Variants in NICN1 observed in about 807,000 individuals in gnomAD.
NICN1 encodes the protein nicolin 1, tubulin polyglutamylase complex subunit, also known as nicolin-1.
Under a neutral mutation model 26.3 loss-of-function variants are expected in NICN1, and 18 were observed. The observed-to-expected ratio is 0.68, with a 90% CI of 0.47 to 1.01. The LOEUF (loss-of-function observed/expected upper bound fraction) is 1.01. NICN1 is among the 50% of genes least tolerant of loss of function. The pLI, the probability that NICN1 is intolerant of heterozygous loss-of-function variation, is 0.00. For missense variants in NICN1, 239 were observed against 278.3 expected, an observed-to-expected ratio of 0.86 and a Z score of 1.00; for synonymous variants, 109 against 111.0, an observed-to-expected ratio of 0.98 and a Z score of 0.11.
chr3:49,428,968 T>C (rs1460483204), intron 1 of NICN1, 140 bp downstream of exon 1: 7 of 750,918 alleles, frequency 9.3e-6, no homozygotes, highest in Admixed American at 6.5e-5. Context: ...AAGGACTAAA[T>C]AAATGAATGA....
In NICN1 at chr3:49,424,625, A is replaced by C; in HGVS notation, c.*208T>G. On this transcript the variant is annotated 3_prime_UTR_variant, in exon 6 of 6. Transcript: ENST00000273598. ...TAGAAGGAAGAATTGAGTTGCAGCCAGGCGAAGACAGAGCACCCCCATGCC... is the reference window on the plus strand; with the variant it reads ...TAGAAGGAAGAATTGAGTTGCAGCCCGGCGAAGACAGAGCACCCCCATGCC... The C allele has an allele frequency of 9.8e-6, 6 of 609,164 alleles. No individual in the cohort carries two copies. The highest frequency in any genetic ancestry group is 8.8e-6 in the Non-Finnish European group (3 of 342,074). 37.7% of individuals were successfully genotyped at this position (609,164 alleles called of 1,614,324 possible). A position where few individuals can be genotyped will look rare whatever the true frequency, so the allele number is the denominator to read the frequency against.
At chr3:49,425,489 G>T in intron 3 of NICN1, 51 bp from the exon 4 acceptor site, 1 of 1,482,528 alleles carries the variant, frequency 6.7e-7, no homozygotes, top group South Asian at 1.3e-5. Flanking sequence ...GACAGCTCTG[G>T]GACCAGATTC....
At chr3:49,426,554 A>ATCTTGC in intron 1 of NICN1, 126 bp from the exon 2 acceptor site, 1 of 718,704 alleles carries the variant, frequency 1.4e-6, no homozygotes, top group South Asian at 1.9e-5. Context: ...TTGAGAGGAA[A>ATCTTGC]TCTTGCTCTT....
chr3:49,428,112 T>G (rs1346441581), intron 1 of NICN1, among the ~76,000 whole-genome samples: 1 of 151,390 alleles, frequency 6.6e-6, no homozygotes, highest in Non-Finnish European at 1.5e-5. Context: ...CCCAGCTACT[T>G]GGGAGGCTGA....
chr3:49,427,477 C>T (rs1166179463), intron 1 of NICN1, among the ~76,000 whole-genome samples: 2 of 150,594 alleles, frequency 1.3e-5, no homozygotes, highest in Non-Finnish European at 2.9e-5. Flanking sequence ...CCAATCTCTA[C>T]TAAAAATACA....
chr3:49,422,593 G>T lies in NICN1; in HGVS notation c.*2240C>A. 2.2e-6 allele frequency: 2 copies of T among 907,024 alleles called. No individual in the cohort carries two copies. The highest frequency in any genetic ancestry group is 3.5e-6 in the Non-Finnish European group (2 of 565,548). 56.2% of individuals were successfully genotyped at this position (907,024 alleles called of 1,614,324 possible). A position where few individuals can be genotyped will look rare whatever the true frequency, so the allele number is the denominator to read the frequency against. ...GGGGCGTGGGCAGCCCCAAGGGCAGGCTGGGATTTAGAGCAGAGAATGCAG... is the reference window on the plus strand; with the variant it reads ...GGGGCGTGGGCAGCCCCAAGGGCAGTCTGGGATTTAGAGCAGAGAATGCAG... On this transcript the variant is annotated 3_prime_UTR_variant, in exon 6 of 6. Transcript: ENST00000273598.
rs755979959 is a variant in NICN1, at chr3:49,422,433, A to G, written c.*2400T>C. 1 of 1,613,354 alleles carries G rather than the reference A, an allele frequency of 6.2e-7. No homozygotes were observed. Among genetic ancestry groups the G allele is most frequent in the Admixed American group, 1.7e-5 (1 of 59,982 alleles). Reference sequence around the variant, plus strand: ...GGCGAAAGCCCAGACGGGCCACCACACTTACAGCCCTCTGCATCGTCGCCT... The same window carrying G: ...GGCGAAAGCCCAGACGGGCCACCACGCTTACAGCCCTCTGCATCGTCGCCT... On this transcript the variant is annotated 3_prime_UTR_variant, in exon 6 of 6. Coordinates refer to ENST00000273598, the MANE Select transcript of NICN1 (RefSeq NM_032316.3).
chr3:49,427,816 C>A (rs1206207308), intron 1 of NICN1, among the ~76,000 whole-genome samples: 1 of 152,070 alleles, frequency 6.6e-6, no homozygotes, highest in Non-Finnish European at 1.5e-5. Context: ...AAATGTGTTA[C>A]CAAATAAATT....
intron 1 of NICN1, among the ~76,000 whole-genome samples, chr3:49,428,497 G>C (rs1192856675): frequency 6.6e-6 from 1 of 152,050 alleles, no homozygotes; most frequent in Non-Finnish European, 1.5e-5. Context: ...CGAGGTAGGC[G>C]GATCACCTGA....
chr3:49,426,152 C>T (rs2049167545), intron 2 of NICN1, 100 bp downstream of exon 2: 1 of 1,318,288 alleles, frequency 7.6e-7, no homozygotes, highest in Non-Finnish European at 1.1e-6. Context: ...CAGTTCAGGC[C>T]AGACTGGCCC....
intron 1 of NICN1, among the ~76,000 whole-genome samples, chr3:49,427,712 T>C (rs6446273): frequency 0.98 from 147,744 of 151,378 alleles, 72,205 homozygotes; most frequent in Middle Eastern, 1. Context: ...TACCAAAGGG[T>C]GAGAGAACCT....
At position 49,424,560 on chromosome 3, in the gene NICN1, G is replaced by C. The variant is rs896494081; in HGVS notation, c.*273C>G. On this transcript the variant is annotated 3_prime_UTR_variant, in exon 6 of 6. Transcript: ENST00000273598. ...TGCCAGAAGGGGCAGAGGGCACTCAGGGATTCTCAGTAAGTACAACTGACT... is the reference window on the plus strand; with the variant it reads ...TGCCAGAAGGGGCAGAGGGCACTCACGGATTCTCAGTAAGTACAACTGACT... 1 of 581,246 alleles carries C rather than the reference G, an allele frequency of 1.7e-6. No homozygotes were observed. The highest frequency in any genetic ancestry group is 1.9e-5 in the African/African-American group (1 of 53,472). The allele number at this position is 581,246 out of a possible 1,614,324, so 36.0% of individuals were successfully genotyped here.
Position 49,426,262 on chromosome 3 carries a change from A to G in NICN1, c.299T>C (p.Phe100Ser). The change falls in exon 2 of 6, where the codon TTC becomes TCC. Residue 100 changes from phenylalanine to serine, a missense_variant. Coordinates refer to ENST00000273598, the MANE Select transcript of NICN1 (RefSeq NM_032316.3). ...EEGAQEYVSL[F>S]KHQMLCDMAR... is the part of the protein sequence containing the mutation. ...TGAGGCCCAGCTGACCTGATGCTTGAACAGCGATACATACTCCTGGGCTCC... is the reference window on the plus strand; with the variant it reads ...TGAGGCCCAGCTGACCTGATGCTTGGACAGCGATACATACTCCTGGGCTCC... 1 of 1,614,012 alleles carries G rather than the reference A, an allele frequency of 6.2e-7. No individual in the cohort carries two copies. The highest frequency in any genetic ancestry group is 8.5e-7 in the Non-Finnish European group (1 of 1,179,998).
chr3:49,425,926 G>C lies in NICN1; in HGVS notation c.380C>G (p.Ser127Cys). 2 of 1,611,248 alleles carry C rather than the reference G, an allele frequency of 1.2e-6. No homozygotes were observed. The highest frequency in any genetic ancestry group is 1.7e-6 in the Non-Finnish European group (2 of 1,177,630). Residue 127 changes from serine to cysteine, a missense_variant, in exon 3 of 6, where the codon TCT becomes TGT. By Grantham distance (112) the Ser-to-Cys change is moderately radical (BLOSUM62 -1). Coordinates refer to ENST00000273598, the MANE Select transcript of NICN1 (RefSeq NM_032316.3). ...ILRQPSPLWLSFTVEELQIYQ... is the reference protein window; with the variant it reads ...ILRQPSPLWLCFTVEELQIYQ... ...GATCTGCAGCTCCTCCACTGTGAAA[G>C]ACAGCCACAGTGGTGATGGCTGCCG...
In NICN1 at chr3:49,424,955, GC is replaced by G. The variant is rs760340461; in HGVS notation, c.593del (p.Arg198ProfsTer10). 1.2e-6 allele frequency: 2 copies of G among 1,614,062 alleles called. No homozygotes were observed. Among genetic ancestry groups the G allele is most frequent in the Non-Finnish European group, 1.7e-6 (2 of 1,179,970 alleles). ...GAAGGAAGCGATTACTTACATCAAA[GC>G]GGCCGATCCTTGCGGAGGTGTGACT... Reference protein sequence around the residue: ...RASHTSARIGRFDVDGCYDLN... With the variant: ...RASHTSARIGXFDVDGCYDLN... On this transcript the variant is annotated frameshift_variant, in exon 5 of 6. Coordinates refer to ENST00000273598, the MANE Select transcript of NICN1 (RefSeq NM_032316.3). LOFTEE classifies it high-confidence loss of function.
In NICN1 at chr3:49,422,451, C is replaced by T. The variant is rs143841175; in HGVS notation, c.*2382G>A. ...CCACCACACTTACAGCCCTCTGCAT[C>T]GTCGCCTGCAACGAGTGCAGACGGC... On this transcript the variant is annotated 3_prime_UTR_variant, in exon 6 of 6. Transcript: ENST00000273598. 5.7e-4 allele frequency: 922 copies of T among 1,612,894 alleles called. 3 individuals carry two copies. The African/African-American group carries it at 0.011, about 18-fold the overall frequency.
intron 1 of NICN1, among the ~76,000 whole-genome samples, chr3:49,428,582 A>G (rs1443930051): frequency 2.0e-5 from 3 of 150,718 alleles, no homozygotes; most frequent in African/African-American, 7.3e-5. Flanking sequence ...TTAGCTGGGC[A>G]TGGTGGTGCA....
At position 49,424,857 on chromosome 3, in the gene NICN1, GTCATAACAGCCA is replaced by G; in HGVS notation, c.606_617del (p.Gly203_Asp206del). On this transcript the variant is annotated inframe_deletion, in exon 6 of 6. Coordinates refer to ENST00000273598, the MANE Select transcript of NICN1 (RefSeq NM_032316.3). ...TTCAAGTGTAGGAGAGCAAGTTCAG[GTCATAACAGCCA>G]TCCACCTGAAATACAAAAGACCATC... is the stretch of plus-strand genomic sequence containing the variant. 1.2e-6 allele frequency: 2 copies of G among 1,613,956 alleles called. No individual in the cohort carries two copies. The highest frequency in any genetic ancestry group is 1.7e-6 in the Non-Finnish European group (2 of 1,179,890).
chr3:49,425,132 C>T, intron 4 of NICN1, 79 bp from the exon 5 acceptor site: 1 of 1,197,058 alleles, frequency 8.4e-7, no homozygotes, highest in South Asian at 1.2e-5. Context: ...CCAACCTGGG[C>T]TAGGGGCCCT....
Sources: allele counts gnomAD v4.1 joint callset (sites outside exome capture counted in the v4.1 genomes callset), GRCh38; gene constraint gnomAD v4.1.1; transcripts MANE v1.5; gene names NCBI Gene and HGNC (gene_info 2026-07-23, HGNC 2026-07-21).